The following CCSER1 variants were observed in gnomAD, a reference collection of about 807,000 sequenced individuals.
CCSER1 encodes the protein coiled-coil serine rich protein 1.
In CCSER1, 41 loss-of-function variants were observed where a neutral mutation model predicts 82.0. The ratio of observed to expected loss-of-function variants is 0.50; its 90% CI spans 0.39 to 0.65. The LOEUF is 0.65. CCSER1 is among the 30% of genes least tolerant of loss of function. The pLI, the probability that CCSER1 is intolerant of heterozygous loss-of-function variation, is 0.00. For missense variants in CCSER1, 1,119 were observed against 1,064.2 expected (o/e 1.05, Z -0.72); for synonymous variants, 414 against 383.9 (o/e 1.08, Z -0.92).
At chr4:91,539,189 T>A (rs1322447309) in intron 10 of CCSER1, among the ~76,000 whole-genome samples, 2 of 152,096 alleles carry the variant, frequency 1.3e-5, no homozygotes, top group Non-Finnish European at 2.9e-5. Context: ...ACATGAATAA[T>A]CGAGTCCATG....
rs554455515 is a variant in CCSER1, at chr4:90,691,036, T to A, written c.1933-32878T>A. 3.3e-5 allele frequency among the ~76,000 whole-genome samples: 5 copies of A among 152,200 alleles called. No homozygotes were observed. The East Asian group carries it at 5.8e-4, about 18-fold the overall frequency. On this transcript the variant is annotated intron_variant, in intron 6 of 10. Coordinates refer to ENST00000509176, the MANE Select transcript of CCSER1 (RefSeq NM_001145065.2). ...TAGAAAAGATAGGTAATAGTTCATG[T>A]GTAAGATGGTTGCTGTGAGAGTTAT...
chr4:90,460,064 C>T (rs1326715749), intron 4 of CCSER1, among the ~76,000 whole-genome samples: 1 of 146,306 alleles, frequency 6.8e-6, no homozygotes, highest in Non-Finnish European at 1.5e-5. Flanking sequence ...CGGTGGCTCA[C>T]GCCTGTAATC....
At chr4:90,521,086 A>G (rs947419820) in intron 5 of CCSER1, among the ~76,000 whole-genome samples, 2 of 152,178 alleles carry the variant, frequency 1.3e-5, no homozygotes, top group African/African-American at 2.4e-5. Context: ...TTTTTATTAA[A>G]TTGAGGTTGA....
At chr4:90,572,819 T>C (rs960592094) in intron 5 of CCSER1, among the ~76,000 whole-genome samples, 1 of 152,230 alleles carries the variant, frequency 6.6e-6, no homozygotes, top group Non-Finnish European at 1.5e-5. Flanking sequence ...AGTTTATACA[T>C]CCTCATTTAT....
At chr4:90,641,027 C>T (rs563802829) in intron 6 of CCSER1, among the ~76,000 whole-genome samples, 5 of 152,050 alleles carry the variant, frequency 3.3e-5, no homozygotes, top group African/African-American at 7.2e-5. Flanking sequence ...CTAATCTCTC[C>T]GTGGAAATCT....
intron 10 of CCSER1, among the ~76,000 whole-genome samples, chr4:91,508,650 T>A (rs1457403718): frequency 6.6e-6 from 1 of 151,880 alleles, no homozygotes; most frequent in South Asian, 2.1e-4. Context: ...ATTCCTATTC[T>A]ATTTTTTGAA....
intron 9 of CCSER1, among the ~76,000 whole-genome samples, chr4:90,944,173 A>C (rs1425969608): frequency 6.7e-6 from 1 of 149,818 alleles, no homozygotes. Flanking sequence ...CGGAGGTTGC[A>C]GTGAGCTGAG....
In CCSER1 at chr4:90,276,230, C is replaced by CT. The variant is rs1385481456; in HGVS notation, c.-41-32011dup. Reference sequence around the variant, plus strand: ...TCTTTCTTTCTTTCTTTCTTTCTTTCTTTCTTTCTTTCTTTCTTTCTTTCC... The same window carrying CT: ...TCTTTCTTTCTTTCTTTCTTTCTTTCTTTTCTTTCTTTCTTTCTTTCTTTCC... On this transcript the variant is annotated intron_variant, in intron 1 of 10. Transcript: ENST00000509176. 2.6e-3 allele frequency among the ~76,000 whole-genome samples: 276 copies of CT among 106,330 alleles called. 2 individuals are homozygous for CT. The highest frequency in any genetic ancestry group is 8.0e-3 in the South Asian group (22 of 2,754). 69.8% of individuals were successfully genotyped at this position (106,330 alleles called of 152,430 possible). A position where few individuals can be genotyped will look rare whatever the true frequency, so the allele number is the denominator to read the frequency against.
chr4:90,608,094 G>C (rs1287169513), intron 5 of CCSER1, among the ~76,000 whole-genome samples: 2 of 152,006 alleles, frequency 1.3e-5, no homozygotes, highest in Non-Finnish European at 2.9e-5. Context: ...ATGTTATTTA[G>C]GGATCTTAAT....
chr4:90,517,906 A>G (rs1294595721), intron 5 of CCSER1, among the ~76,000 whole-genome samples: 2 of 152,032 alleles, frequency 1.3e-5, no homozygotes, highest in Admixed American at 1.3e-4. Context: ...TCACTCCAAA[A>G]CCATGCATTT....
At chr4:90,479,908 G>A (rs1194011911) in intron 5 of CCSER1, among the ~76,000 whole-genome samples, 3 of 152,090 alleles carry the variant, frequency 2.0e-5, no homozygotes, top group Non-Finnish European at 4.4e-5. Context: ...GGGATGGCTG[G>A]GTCAAATGGT....
At position 90,609,293 on chromosome 4, in the gene CCSER1, G is replaced by A. The variant is rs550608672; in HGVS notation, c.1725-18732G>A. Among the ~76,000 whole-genome samples the A allele has an allele frequency of 2.5e-4, 38 of 152,080 alleles. 1 individual carries two copies. In the South Asian group the frequency reaches 7.5e-3, roughly 30 times the overall value. ...AATTGTTTCACTTTTCACTGTAGTT[G>A]ATATTAATTGGTTTATATATTTGTT... On this transcript the variant is annotated intron_variant, in intron 5 of 10. Coordinates refer to ENST00000509176, the MANE Select transcript of CCSER1 (RefSeq NM_001145065.2).
intron 10 of CCSER1, among the ~76,000 whole-genome samples, chr4:91,275,181 T>C (rs1043463436): frequency 6.6e-6 from 1 of 152,166 alleles, no homozygotes; most frequent in South Asian, 2.1e-4. Flanking sequence ...ATGTGGTAGT[T>C]CTATTTATCG....
intron 10 of CCSER1, among the ~76,000 whole-genome samples, chr4:91,390,163 T>C (rs1751560208): frequency 6.6e-6 from 1 of 152,022 alleles, no homozygotes; most frequent in African/African-American, 2.4e-5. Flanking sequence ...GCTGTAGGTT[T>C]TTTGTAGATT....
At chr4:91,297,019 G>A (rs1215169073) in intron 10 of CCSER1, among the ~76,000 whole-genome samples, 1 of 151,658 alleles carries the variant, frequency 6.6e-6, no homozygotes, top group African/African-American at 2.4e-5. Flanking sequence ...TCCTTAAAGA[G>A]GACTAGTGGT....
At chr4:90,763,069 T>C (rs1199412509) in intron 7 of CCSER1, among the ~76,000 whole-genome samples, 1 of 152,002 alleles carries the variant, frequency 6.6e-6, no homozygotes, top group Non-Finnish European at 1.5e-5. Context: ...AGAGATGGCT[T>C]ACACCAAGAG....
intron 10 of CCSER1, among the ~76,000 whole-genome samples, chr4:91,174,592 A>G (rs1733111221): frequency 6.6e-6 from 1 of 152,068 alleles, no homozygotes. Flanking sequence ...AGGTATTTGG[A>G]CAAACATTTT....
At chr4:90,191,363 G>GATGA in intron 1 of CCSER1, among the ~76,000 whole-genome samples, 1 of 152,006 alleles carries the variant, frequency 6.6e-6, no homozygotes, top group Non-Finnish European at 1.5e-5. Flanking sequence ...GAGATAGATG[G>GATGA]TCAGAAAGAG....
In CCSER1 at chr4:91,324,874, G is replaced by A. The variant is rs1036336130; in HGVS notation, c.2217+238880G>A. ...AATATGAGAAGGACATGGAATTTGG[G>A]AGGGGCCAAGGGCAGAATAATATGA... On this transcript the variant is annotated intron_variant, in intron 10 of 10. Coordinates refer to ENST00000509176, the MANE Select transcript of CCSER1 (RefSeq NM_001145065.2). 5.3e-5 allele frequency among the ~76,000 whole-genome samples: 8 copies of A among 152,264 alleles called. No homozygotes were observed. In the South Asian group the frequency reaches 1.7e-3, roughly 32 times the overall value.
Sources: gnomAD v4.1 joint callset for allele counts (sites outside exome capture counted in the v4.1 genomes callset) on GRCh38, gnomAD v4.1.1 for gene constraint, MANE v1.5 for transcripts, NCBI Gene and HGNC (gene_info 2026-07-23, HGNC 2026-07-21) for gene names.